Variants in PTGDS observed in about 807,000 individuals in gnomAD.
PTGDS encodes prostaglandin-H2 D-isomerase.
In PTGDS, 21 loss-of-function variants were observed where a neutral mutation model predicts 28.4. That is an observed-to-expected ratio of 0.74 (90% CI 0.52 to 1.07). The LOEUF is 1.07. Ranked by LOEUF, PTGDS falls within the 50% of genes least tolerant of loss-of-function variation. The pLI, the probability that PTGDS is intolerant of heterozygous loss-of-function variation, is 0.00. For synonymous variants in PTGDS, 102 were observed against 106.0 expected (o/e 0.96, Z 0.23); for missense variants, 243 against 247.7 (o/e 0.98, Z 0.13).
rs903919778 is a variant in PTGDS, at chr9:136,977,507, C to T, written c.-72C>T. The T allele has an allele frequency of 1.7e-6, 2 of 1,183,466 alleles. No individual in the cohort carries two copies. The highest frequency in any genetic ancestry group is 3.0e-5 in the South Asian group (2 of 66,894). 73.3% of individuals were successfully genotyped at this position (1,183,466 alleles called of 1,614,324 possible). The stretch of plus-strand genomic sequence containing the variant: ...AGGGGTCTCCTCAGTGCCCTCCGCT[C>T]CTCCTGCACACCTCCCTCGCTCTCC... On this transcript the variant is annotated 5_prime_UTR_variant, in exon 1 of 7. Transcript: ENST00000371625.
chr9:136,978,464 C>CCTGGTTGTGGACATGAA (rs1830401730), intron 1 of PTGDS, among the ~76,000 whole-genome samples: 1 of 15,898 alleles, frequency 6.3e-5, no homozygotes, highest in African/African-American at 2.5e-4. Flanking sequence ...GGGCCATCTC[C>CCTGGTTGTGGACATGAA]GGGGGAGGGG....
At chr9:136,978,807 C>T in intron 1 of PTGDS, 186 bp from the exon 2 acceptor site, 2 of 565,526 alleles carry the variant, frequency 3.5e-6, no homozygotes, top group African/African-American at 5.4e-5. Context: ...TCTCCTGGGG[C>T]GGGGATTGAG....
chr9:136,980,265 T>C lies in PTGDS; in HGVS notation c.531T>C (p.Ile177=), dbSNP rs1263867986. The change falls in exon 5 of 7, where the codon ATT becomes ATC. Residue 177 remains isoleucine (I), a synonymous_variant. Coordinates refer to ENST00000371625, the MANE Select transcript of PTGDS (RefSeq NM_000954.6). The part of the protein sequence containing the change: ...CKAQGFTEDT[I]VFLPQTDKCM... ...CCCAGGGCTTCACAGAGGATACCATTGTCTTCCTGCCCCAAACCGGTGAGG... is the reference window on the plus strand; with the variant it reads ...CCCAGGGCTTCACAGAGGATACCATCGTCTTCCTGCCCCAAACCGGTGAGG... 1.9e-6 allele frequency: 3 copies of C among 1,614,042 alleles called. No homozygotes were observed. Among genetic ancestry groups the C allele is most frequent in the East Asian group, 4.5e-5 (2 of 44,876 alleles).
chr9:136,979,501 T>G (rs1159036610), intron 3 of PTGDS: 2 of 1,491,524 alleles, frequency 1.3e-6, no homozygotes, highest in Non-Finnish European at 1.8e-6. Flanking sequence ...TCCAGGGGGT[T>G]GGATCCTCTC....
chr9:136,980,141 A>T (rs1830431356), intron 4 of PTGDS, 42 bp from the exon 5 acceptor site: 1 of 1,610,166 alleles, frequency 6.2e-7, no homozygotes, highest in Non-Finnish European at 8.5e-7. Context: ...GGCACACAGC[A>T]TCCCCCCCGC....
At position 136,978,998 on chromosome 9, in the gene PTGDS, G is replaced by A. The variant is rs762358886; in HGVS notation, c.120G>A (p.Leu40=). The A allele has an allele frequency of 6.2e-7, 1 of 1,608,054 alleles. No individual in the cohort carries two copies. The highest frequency in any genetic ancestry group is 1.3e-5 in the African/African-American group (1 of 74,942). The change falls in exon 2 of 7, where the codon CTG becomes CTA. Residue 40 remains leucine (L), a synonymous_variant. Coordinates refer to ENST00000371625, the MANE Select transcript of PTGDS (RefSeq NM_000954.6). The part of the protein sequence containing the change: ...VQPNFQQDKF[L]GRWFSAGLAS... ...GTGGGGGTCGCTCGCCGCAGTTCCT[G>A]GGGCGCTGGTTCAGCGCGGGCCTCG...
At position 136,980,866 on chromosome 9, in the gene PTGDS, C is replaced by CCATTCATTCATT. The variant is rs146717258; in HGVS notation, c.*38_*49dup. On this transcript the variant is annotated intron_variant, in intron 6 of 6. Transcript: ENST00000371625. Reference sequence around the variant, plus strand: ...ATGACGGAACAATAGGTGAGCCACTCCATTCATTCATTCATTCATTCATTC... The same window carrying CCATTCATTCATT: ...ATGACGGAACAATAGGTGAGCCACTCCATTCATTCATTCATTCATTCATTCATTCATTCATTC... 4.9e-3 allele frequency: 6,452 copies of CCATTCATTCATT among 1,319,318 alleles called. 34 individuals are homozygous for CCATTCATTCATT. Among genetic ancestry groups the CCATTCATTCATT allele is most frequent in the South Asian group, 0.026 (1,716 of 67,214 alleles). The allele number at this position is 1,319,318 out of a possible 1,614,324, so 81.7% of individuals were successfully genotyped here. A position where few individuals can be genotyped will look rare whatever the true frequency, so the allele number is the denominator to read the frequency against.
intron 1 of PTGDS, 167 bp from the exon 2 acceptor site, chr9:136,978,826 G>A: frequency 1.1e-6 from 1 of 912,760 alleles, no homozygotes; most frequent in Non-Finnish European, 1.6e-6. Context: ...AGGGGCGGGG[G>A]TCAGTTCCTG....
intron 1 of PTGDS, chr9:136,978,792 G>A: frequency 1.5e-6 from 1 of 650,862 alleles, no homozygotes; most frequent in Admixed American, 2.7e-5. Context: ...TGAGGGGCGG[G>A]GTCATCTCCT....
intron 5 of PTGDS, among the ~76,000 whole-genome samples, chr9:136,980,521 C>A (rs1164246825): frequency 1.3e-5 from 2 of 152,226 alleles, no homozygotes; most frequent in Admixed American, 1.3e-4. Flanking sequence ...GCCCCAGCAG[C>A]TCCCAGGATG....
In PTGDS at chr9:136,978,978, G is replaced by A. The variant is rs770084656; in HGVS notation, c.115-15G>A. 5.6e-6 allele frequency: 9 copies of A among 1,603,470 alleles called. No individual in the cohort carries two copies. Among genetic ancestry groups the A allele is most frequent in the Admixed American group, 5.0e-5 (3 of 59,716 alleles). On this transcript the variant is annotated splice_polypyrimidine_tract_variant and intron_variant, in intron 1 of 6. Coordinates refer to ENST00000371625, the MANE Select transcript of PTGDS (RefSeq NM_000954.6). The stretch of plus-strand genomic sequence containing the variant: ...GAGGGTCCTGGCCGACGCGGGTGGG[G>A]GTCGCTCGCCGCAGTTCCTGGGGCG...
In PTGDS at chr9:136,979,353, G is replaced by A. The variant is rs570733235; in HGVS notation, c.331+54G>A. 114 of 1,586,930 alleles carry A rather than the reference G, an allele frequency of 7.2e-5. No individual in the cohort carries two copies. The African/African-American group carries it at 1.3e-3, about 19-fold the overall frequency. ...GCCCAGCCTGGGGGCGACACTTGCCGGGACGACTCTGGGCCAGCCCCCTGC... is the reference window on the plus strand; with the variant it reads ...GCCCAGCCTGGGGGCGACACTTGCCAGGACGACTCTGGGCCAGCCCCCTGC... On this transcript the variant is annotated intron_variant, in intron 3 of 6. Transcript: ENST00000371625.
intron 1 of PTGDS, among the ~76,000 whole-genome samples, chr9:136,978,563 C>A (rs1401502442): frequency 1.0e-5 from 1 of 98,398 alleles, no homozygotes; most frequent in East Asian, 3.2e-4. Context: ...GCGTGGTCAG[C>A]TCCTGGGGCG....
chr9:136,980,994 A>C lies in PTGDS; in HGVS notation c.*139A>C, dbSNP rs1830441871. On this transcript the variant is annotated intron_variant, in intron 6 of 6. Coordinates refer to ENST00000371625, the MANE Select transcript of PTGDS (RefSeq NM_000954.6). ...CAGACCCATCCTTCCCGATGGCTGCAGTCCAGGGCCGGGCGGGAGACACTG... is the reference window on the plus strand; with the variant it reads ...CAGACCCATCCTTCCCGATGGCTGCCGTCCAGGGCCGGGCGGGAGACACTG... 5 of 1,285,816 alleles carry C rather than the reference A, an allele frequency of 3.9e-6. No individual in the cohort carries two copies. The African/African-American group carries it at 6.0e-5, about 15-fold the overall frequency. The allele number at this position is 1,285,816 out of a possible 1,614,324, so 79.7% of individuals were successfully genotyped here.
Position 136,980,045 on chromosome 9 carries a change from G to A in PTGDS, c.431G>A (p.Arg144His), listed in dbSNP as rs570864488. Reference sequence around the variant, plus strand: ...AGCAAGGGCCCTGGCGAGGACTTCCGCATGGCCACCCTCTACAGTACGTGC... The same window carrying A: ...AGCAAGGGCCCTGGCGAGGACTTCCACATGGCCACCCTCTACAGTACGTGC... ...QGSKGPGEDF[R>H]MATLYSRTQT... is the part of the protein sequence containing the mutation. Residue 144 changes from arginine to histidine, a missense_variant, in exon 4 of 7, where the codon CGC (arginine) becomes CAC (histidine). Coordinates refer to ENST00000371625, the MANE Select transcript of PTGDS (RefSeq NM_000954.6). 2.6e-5 allele frequency: 42 copies of A among 1,612,238 alleles called. No individual in the cohort carries two copies. In the Admixed American group the frequency reaches 3.2e-4, roughly 12 times the overall value.
At chr9:136,980,916 C>T (rs971610877) in intron 6 of PTGDS, 61 bp downstream of exon 6, 3 of 1,530,372 alleles carry the variant, frequency 2.0e-6, no homozygotes, top group South Asian at 2.5e-5. Context: ...CACACATCCA[C>T]CCAACCCACT....
chr9:136,979,882 C>T lies in PTGDS; in HGVS notation c.332-64C>T, dbSNP rs946275210. On this transcript the variant is annotated intron_variant, in intron 3 of 6. Coordinates refer to ENST00000371625, the MANE Select transcript of PTGDS (RefSeq NM_000954.6). Reference sequence around the variant, plus strand: ...CCCAAAGCCCACAGGTGCACCCCTTCCCTGAAGCAGAGGTGAGGTTTGGGG... The same window carrying T: ...CCCAAAGCCCACAGGTGCACCCCTTTCCTGAAGCAGAGGTGAGGTTTGGGG... 4 of 1,471,878 alleles carry T rather than the reference C, an allele frequency of 2.7e-6. No individual in the cohort carries two copies. The Admixed American group carries it at 6.7e-5, about 25-fold the overall frequency. 91.2% of individuals were successfully genotyped at this position (1,471,878 alleles called of 1,614,324 possible).
At chr9:136,980,149 C>T (rs566121005) in intron 4 of PTGDS, 34 bp from the exon 5 acceptor site, 107 of 1,611,274 alleles carry the variant, frequency 6.6e-5, no homozygotes, top group Middle Eastern at 1.7e-4. Context: ...GCATCCCCCC[C>T]GCTGAGGCCA....
Position 136,979,970 on chromosome 9 carries a change from C to T in PTGDS, c.356C>T (p.Ser119Leu), listed in dbSNP as rs1830428597. The change falls in exon 4 of 7, where the codon TCA becomes TTA. Residue 119 changes from serine (S) to leucine (L), a missense_variant. Ser to Leu is a moderately radical substitution (Grantham distance 145). Transcript: ENST00000371625. ...GACTGGGGCAGCACCTACTCCGTGT[C>T]AGTGGTGGAGACCGACTACGACCAG... is the stretch of plus-strand genomic sequence containing the variant. ...SPHWGSTYSV[S>L]VVETDYDQYA... The T allele has an allele frequency of 6.2e-7, 1 of 1,613,272 alleles. No individual in the cohort carries two copies. Among genetic ancestry groups the T allele is most frequent in the African/African-American group, 1.3e-5 (1 of 75,040 alleles).
Sources: gnomAD v4.1 joint callset for allele counts (sites outside exome capture counted in the v4.1 genomes callset) on GRCh38, gnomAD v4.1.1 for gene constraint, MANE v1.5 for transcripts, NCBI Gene and HGNC (gene_info 2026-07-23, HGNC 2026-07-21) for gene names.